ESR1: variants seen among roughly 807,000 people sequenced by gnomAD.
ESR1 encodes the protein estrogen receptor.
ESR1 carries 12 observed loss-of-function variants against 52.7 expected under a neutral mutation model. The ratio of observed to expected loss-of-function variants is 0.23; its 90% CI spans 0.15 to 0.37. ESR1 has a LOEUF of 0.37. Ranked by LOEUF, ESR1 falls within the 10% of genes least tolerant of loss-of-function variation. The pLI, the probability that ESR1 is intolerant of heterozygous loss-of-function variation, is 1.00. For missense variants in ESR1, 584 were observed against 779.7 expected (o/e 0.75, Z 2.99); for synonymous variants, 305 against 316.8 (o/e 0.96, Z 0.39).
chr6:151,901,392 TC>T (rs1796670377), intron 3 of ESR1, among the ~76,000 whole-genome samples: 1 of 152,194 alleles, frequency 6.6e-6, no homozygotes, highest in Non-Finnish European at 1.5e-5. Flanking sequence ...AGTAGGGCTT[TC>T]ATGCCTCCCT....
intron 1 of ESR1, among the ~76,000 whole-genome samples, chr6:151,701,283 T>C (rs1272095429): frequency 6.6e-6 from 1 of 151,550 alleles, no homozygotes; most frequent in Non-Finnish European, 1.5e-5. Context: ...CTCAGCACTT[T>C]GAGAGGCTGA....
intron 5 of ESR1, among the ~76,000 whole-genome samples, chr6:152,045,467 G>A (rs2046152336): frequency 6.6e-6 from 1 of 152,144 alleles, no homozygotes; most frequent in South Asian, 2.1e-4. Context: ...GAGGAGGATG[G>A]GATCAGGCAT....
At chr6:151,743,346 T>C (rs1386058187) in intron 2 of ESR1, among the ~76,000 whole-genome samples, 1 of 152,198 alleles carries the variant, frequency 6.6e-6, no homozygotes, top group Non-Finnish European at 1.5e-5. Flanking sequence ...CGTCTCCTGA[T>C]GTGCCTCAGC....
chr6:151,799,891 G>A (rs1777066166), upstream of ESR1, among the ~76,000 whole-genome samples: 1 of 152,196 alleles, frequency 6.6e-6, no homozygotes, highest in African/African-American at 2.4e-5. Context: ...CAGAGGGACT[G>A]AGGAACTTAA....
chr6:151,929,128 G>A (rs2033216056), intron 3 of ESR1, among the ~76,000 whole-genome samples: 1 of 152,254 alleles, frequency 6.6e-6, no homozygotes, highest in Non-Finnish European at 1.5e-5. Flanking sequence ...CTGCCTGCTT[G>A]CACTAGCAAT....
At chr6:152,083,749 A>G (rs1025234002) in intron 6 of ESR1, among the ~76,000 whole-genome samples, 1 of 152,226 alleles carries the variant, frequency 6.6e-6, no homozygotes, top group African/African-American at 2.4e-5. Flanking sequence ...CAAAGAACTT[A>G]AACAAATTTA....
intron 3 of ESR1, among the ~76,000 whole-genome samples, chr6:151,910,554 A>G (rs1798109590): frequency 6.6e-6 from 1 of 152,092 alleles, no homozygotes; most frequent in African/African-American, 2.4e-5. Flanking sequence ...CATTTTGGAG[A>G]CTTGGATTGT....
downstream of ESR1, among the ~76,000 whole-genome samples, chr6:152,106,959 C>CA (rs71556243): frequency 0.19 from 28,610 of 152,134 alleles, 3,111 homozygotes; most frequent in East Asian, 0.37. Flanking sequence ...GCTTCCAATA[C>CA]AAAATCAGAG....
intron 3 of ESR1, among the ~76,000 whole-genome samples, chr6:151,925,767 C>G (rs921780662): frequency 6.6e-6 from 1 of 151,704 alleles, no homozygotes; most frequent in Non-Finnish European, 1.5e-5. Flanking sequence ...TCTTTTCACT[C>G]TCTTAATTGT....
chr6:151,737,304 G>A (rs9478237), intron 2 of ESR1, among the ~76,000 whole-genome samples: 2,384 of 152,218 alleles, frequency 0.016, 58 homozygotes, highest in African/African-American at 0.055. Context: ...CTGAGGCAAG[G>A]GAGATGCACA....
chr6:151,670,214 T>C (rs980061805), intron 1 of ESR1, among the ~76,000 whole-genome samples: 9 of 152,190 alleles, frequency 5.9e-5, no homozygotes, highest in Admixed American at 3.9e-4. Flanking sequence ...GCAGAGCCCT[T>C]CCCTCAGCTT....
intron 2 of ESR1, among the ~76,000 whole-genome samples, chr6:151,856,339 A>G (rs934353485): frequency 5.9e-5 from 9 of 152,082 alleles, no homozygotes; most frequent in African/African-American, 2.2e-4. Context: ...CTTATACGCC[A>G]TAATTTTTAT....
intron 3 of ESR1, among the ~76,000 whole-genome samples, chr6:151,893,881 T>A (rs1249278248): frequency 6.6e-6 from 1 of 152,174 alleles, no homozygotes; most frequent in Admixed American, 6.5e-5. Flanking sequence ...AGCAGAGAAG[T>A]GACTTTCTTA....
intron 4 of ESR1, among the ~76,000 whole-genome samples, chr6:151,987,368 C>T (rs1042117217): frequency 2.0e-5 from 3 of 152,108 alleles, no homozygotes; most frequent in African/African-American, 4.8e-5. Context: ...AAGTGATTCT[C>T]CTGCCTCAGC....
At chr6:151,982,573 C>A (rs2040096075) in intron 4 of ESR1, among the ~76,000 whole-genome samples, 1 of 150,212 alleles carries the variant, frequency 6.7e-6, no homozygotes. Flanking sequence ...CAAGCTCCGC[C>A]TCCCGGGTTC....
chr6:151,834,154 T>C (rs1782894471), intron 1 of ESR1, among the ~76,000 whole-genome samples: 1 of 152,178 alleles, frequency 6.6e-6, no homozygotes, highest in Non-Finnish European at 1.5e-5. Context: ...CCCTCAAGGA[T>C]CTAGAACCAG....
At chr6:151,884,424 G>C (rs1793482157) in intron 3 of ESR1, among the ~76,000 whole-genome samples, 1 of 152,112 alleles carries the variant, frequency 6.6e-6, no homozygotes, top group Non-Finnish European at 1.5e-5. Context: ...CAACCATTAG[G>C]GTTCACAACA....
At position 151,963,499 on chromosome 6, in the gene ESR1, G is replaced by A. The variant is rs116941427; in HGVS notation, c.1096+18991G>A. On this transcript the variant is annotated intron_variant, in intron 4 of 7. Coordinates refer to ENST00000206249, the MANE Select transcript of ESR1 (RefSeq NM_000125.4). ...TCAAGAAAATGAAACTCAGATATTC[G>A]TGTCCTTTGGCCATTTTTGATTAGC... Among the ~76,000 whole-genome samples, 43 of 152,248 alleles carry A rather than the reference G, an allele frequency of 2.8e-4. No individual in the cohort carries two copies. In the East Asian group the frequency reaches 3.9e-3, roughly 14 times the overall value.
At chr6:152,073,628 C>A (rs140550274) in intron 6 of ESR1, among the ~76,000 whole-genome samples, 1 of 152,218 alleles carries the variant, frequency 6.6e-6, no homozygotes, top group Non-Finnish European at 1.5e-5. Context: ...TCTCAAATAT[C>A]TCTGGAGGCG....
Sources: gnomAD v4.1 joint callset for allele counts (sites outside exome capture counted in the v4.1 genomes callset) on GRCh38, gnomAD v4.1.1 for gene constraint, MANE v1.5 for transcripts, NCBI Gene and HGNC (gene_info 2026-07-23, HGNC 2026-07-21) for gene names.